MED13L: variants seen among roughly 807,000 people sequenced by gnomAD.
MED13L encodes mediator of RNA polymerase II transcription subunit 13-like.
MED13L carries 7 observed loss-of-function variants against 220.9 expected under a neutral mutation model. That is an observed-to-expected ratio of 0.03 (90% CI 0.02 to 0.06). The LOEUF (loss-of-function observed/expected upper bound fraction) is 0.06. Ranked by LOEUF, MED13L falls within the 10% of genes least tolerant of loss-of-function variation. The probability of loss-of-function intolerance (pLI) is 1.00; values close to 1 mark genes in which losing one functional copy is unlikely to be tolerated. For synonymous variants in MED13L, 1,011 were observed against 1,015.2 expected (o/e 1.00, Z 0.08); for missense variants, 1,965 against 2,760.5 (o/e 0.71, Z 6.46).
intron 2 of MED13L, among the ~76,000 whole-genome samples, chr12:116,229,910 G>A (rs1177975974): frequency 6.6e-6 from 1 of 152,056 alleles, no homozygotes; most frequent in Non-Finnish European, 1.5e-5. Context: ...AAACAGAACA[G>A]TAATGTAATT....
At chr12:116,244,530 G>A in intron 1 of MED13L, among the ~76,000 whole-genome samples, 1 of 152,198 alleles carries the variant, frequency 6.6e-6, no homozygotes, top group East Asian at 1.9e-4. Flanking sequence ...TCCTAAACAT[G>A]AAGAAAGAGA....
chr12:116,111,395 C>G, intron 3 of MED13L, 33 bp downstream of exon 3: 1 of 1,578,412 alleles, frequency 6.3e-7, no homozygotes, highest in Non-Finnish European at 8.7e-7. Context: ...ACTTGGTTGT[C>G]TGCAAACCAC....
intron 2 of MED13L, among the ~76,000 whole-genome samples, chr12:116,186,197 A>G (rs1880890451): frequency 6.6e-6 from 1 of 152,272 alleles, no homozygotes; most frequent in African/African-American, 2.4e-5. Flanking sequence ...TAATTATTGC[A>G]TAAAACATCA....
chr12:116,067,972 G>A (rs892297811), intron 4 of MED13L, among the ~76,000 whole-genome samples: 1 of 152,176 alleles, frequency 6.6e-6, no homozygotes, highest in African/African-American at 2.4e-5. Flanking sequence ...GATGATATGT[G>A]AAAGGGTTTG....
intron 2 of MED13L, among the ~76,000 whole-genome samples, chr12:116,139,069 G>C (rs766713035): frequency 1.3e-5 from 2 of 152,116 alleles, no homozygotes; most frequent in Admixed American, 6.5e-5. Flanking sequence ...AAGTGGTCAA[G>C]AAGAGACTGG....
In MED13L at chr12:116,009,048, T is replaced by C. The variant is rs199711996; in HGVS notation, c.1365A>G (p.Ser455=). The C allele has an allele frequency of 3.7e-6, 6 of 1,614,096 alleles. No individual in the cohort carries two copies. In the East Asian group the frequency reaches 6.7e-5, roughly 18 times the overall value. ...AAGCAGGAGGTGGTAAAGATGAAGA[T>C]GATGATGGTCCTGCACTGAACCCTG... ...SQPGFSAGPS[S]SSSLPPPASS... is the part of the protein sequence containing the mutation. The change falls in exon 10 of 31, where the codon TCA becomes TCG. Residue 455 remains serine, a synonymous_variant. Transcript: ENST00000281928.
Position 116,001,704 on chromosome 12 carries a change from T to C in MED13L, c.2569+1299A>G, listed in dbSNP as rs1027929056. Among the ~76,000 whole-genome samples, 6 of 152,224 alleles carry C rather than the reference T, an allele frequency of 3.9e-5. No individual in the cohort carries two copies. The East Asian group carries it at 1.2e-3, about 29-fold the overall frequency. On this transcript the variant is annotated intron_variant, in intron 14 of 30. Transcript: ENST00000281928. The stretch of plus-strand genomic sequence containing the variant: ...AAATGATCCTCTGTATTCTTGCATA[T>C]CTGGGTTTTCCTGGTGTTAATATTC...
chr12:116,129,064 A>G (rs1329865429), intron 2 of MED13L, among the ~76,000 whole-genome samples: 1 of 152,172 alleles, frequency 6.6e-6, no homozygotes, highest in African/African-American at 2.4e-5. Flanking sequence ...ATTCTCAAGT[A>G]TCTCTGGCTT....
chr12:116,105,277 A>C (rs976558232), intron 3 of MED13L, among the ~76,000 whole-genome samples: 1 of 152,228 alleles, frequency 6.6e-6, no homozygotes, highest in African/African-American at 2.4e-5. Context: ...TTGAGGACTG[A>C]TAAAGAACAA....
In MED13L at chr12:115,983,429, A is replaced by G; in HGVS notation, c.4643T>C (p.Leu1548Ser). Residue 1548 changes from leucine to serine, a missense_variant, in exon 21 of 31, where the codon TTA becomes TCA. Physicochemically the swap from Leu to Ser is moderately radical, Grantham distance 145. Coordinates refer to ENST00000281928, the MANE Select transcript of MED13L (RefSeq NM_015335.5). ...GGGAGCTGCTGATCCATTTGGAGCT[A>G]AGGGCCCAGCATTCCCTGGCGTAGC... ...GQATPGNAGP[L>S]APNGSAAPPA... 6.2e-7 allele frequency: 1 copy of G among 1,614,184 alleles called. No homozygotes were observed. Among genetic ancestry groups the G allele is most frequent in the Non-Finnish European group, 8.5e-7 (1 of 1,180,012 alleles).
chr12:116,127,482 G>GT (rs1875694984), intron 2 of MED13L, among the ~76,000 whole-genome samples: 2 of 152,042 alleles, frequency 1.3e-5, no homozygotes, highest in African/African-American at 4.8e-5. Flanking sequence ...TTAAATATAA[G>GT]TACCCCTATG....
At chr12:116,272,035 G>C (rs939867187) in intron 1 of MED13L, among the ~76,000 whole-genome samples, 2 of 152,080 alleles carry the variant, frequency 1.3e-5, no homozygotes, top group African/African-American at 4.8e-5. Context: ...TTGATTCAAA[G>C]TTGAGAGACA....
intron 1 of MED13L, among the ~76,000 whole-genome samples, chr12:116,274,105 T>TA (rs1565962287): frequency 6.6e-6 from 1 of 152,178 alleles, no homozygotes; most frequent in East Asian, 1.9e-4. Context: ...ATAAGAAACT[T>TA]ATACAATGAC....
intron 2 of MED13L, among the ~76,000 whole-genome samples, chr12:116,182,926 CTT>C (rs1880625689): frequency 6.6e-6 from 1 of 152,150 alleles, no homozygotes; most frequent in South Asian, 2.1e-4. Flanking sequence ...TATCTCCCCT[CTT>C]GAGATTTTAA....
intron 2 of MED13L, among the ~76,000 whole-genome samples, chr12:116,167,158 A>G (rs1879340981): frequency 6.6e-6 from 1 of 152,188 alleles, no homozygotes; most frequent in Non-Finnish European, 1.5e-5. Flanking sequence ...TTAAAAAGAA[A>G]CCTCAGGCAG....
chr12:116,233,861 CA>C lies in MED13L; in HGVS notation c.310+3606del, dbSNP rs1869815541. Among the ~76,000 whole-genome samples the C allele has an allele frequency of 2.0e-5, 3 of 152,160 alleles. No homozygotes were observed. The South Asian group carries it at 6.2e-4, about 31-fold the overall frequency. ...CCAGACAGGAACCCAAGTGTTTATC[CA>C]AGTGACAAGGACAGATTATAAATGT... On this transcript the variant is annotated intron_variant, in intron 2 of 30. Transcript: ENST00000281928.
intron 2 of MED13L, among the ~76,000 whole-genome samples, chr12:116,233,408 T>C (rs543623562): frequency 6.6e-6 from 1 of 152,290 alleles, no homozygotes; most frequent in Admixed American, 6.5e-5. Flanking sequence ...TCTTCCTAAT[T>C]ATATCGCTTT....
In MED13L at chr12:115,961,170, GA is replaced by G. The variant is rs1329077843; in HGVS notation, c.*95del. On this transcript the variant is annotated 3_prime_UTR_variant, in exon 31 of 31. Transcript: ENST00000281928. Reference sequence around the variant, plus strand: ...GCAGGACTGTGGAGAGTGGTCTGAAGAAAAGGATGTGGGTTATTTGCAGAGT... The same window carrying G: ...GCAGGACTGTGGAGAGTGGTCTGAAGAAAGGATGTGGGTTATTTGCAGAGT... 2.0e-6 allele frequency: 3 copies of G among 1,509,740 alleles called. No homozygotes were observed. The highest frequency in any genetic ancestry group is 2.8e-6 in the Non-Finnish European group (3 of 1,088,640). 93.5% of individuals were successfully genotyped at this position (1,509,740 alleles called of 1,614,324 possible). A position where few individuals can be genotyped will look rare whatever the true frequency, so the allele number is the denominator to read the frequency against.
intron 2 of MED13L, among the ~76,000 whole-genome samples, chr12:116,201,859 T>C (rs970399346): frequency 6.6e-6 from 1 of 152,144 alleles, no homozygotes; most frequent in African/African-American, 2.4e-5. Context: ...GAAAATAAGT[T>C]CTAAAAAGAA....
Sources: gnomAD v4.1 joint callset for allele counts (sites outside exome capture counted in the v4.1 genomes callset) on GRCh38, gnomAD v4.1.1 for gene constraint, MANE v1.5 for transcripts, NCBI Gene and HGNC (gene_info 2026-07-23, HGNC 2026-07-21) for gene names.